Variants in KCNG2 observed in about 807,000 individuals in gnomAD.
The protein encoded by KCNG2 is potassium voltage-gated channel modifier subfamily G member 2, also known as voltage-gated potassium channel regulatory subunit KCNG2.
Under a neutral mutation model 12.3 loss-of-function variants are expected in KCNG2, and 7 were observed. That is an observed-to-expected ratio of 0.57 (90% CI 0.32 to 1.07). The LOEUF (loss-of-function observed/expected upper bound fraction) is 1.07, where lower values mean the gene tolerates loss of function less well. Among genes scored for constraint, KCNG2 ranks in the 50% least tolerant of loss-of-function variants. The pLI, the probability that KCNG2 is intolerant of heterozygous loss-of-function variation, is 0.04. For synonymous variants in KCNG2, 414 were observed against 351.4 expected (o/e 1.18, Z -1.99); for missense variants, 703 against 726.0 (o/e 0.97, Z 0.36).
At chr18:79,829,515 C>G (rs1297293901) in intron 1 of KCNG2, among the ~76,000 whole-genome samples, 1 of 152,208 alleles carries the variant, frequency 6.6e-6, no homozygotes, top group Non-Finnish European at 1.5e-5. Context: ...TCACACCAGT[C>G]CGTCTCTGCC....
At chr18:79,814,619 G>A (rs184054843) in intron 1 of KCNG2, among the ~76,000 whole-genome samples, 3 of 152,224 alleles carry the variant, frequency 2.0e-5, no homozygotes, top group Non-Finnish European at 1.5e-5. Flanking sequence ...CACTGCCTGC[G>A]TGGGTCAGCA....
At chr18:79,842,948 T>G (rs577159779) in intron 1 of KCNG2, among the ~76,000 whole-genome samples, 1 of 152,244 alleles carries the variant, frequency 6.6e-6, no homozygotes, top group Non-Finnish European at 1.5e-5. Context: ...AAAGAAACAG[T>G]GATGGAAAAC....
At chr18:79,861,976 ACTT>A (rs1979238352) in intron 2 of KCNG2, among the ~76,000 whole-genome samples, 1 of 151,790 alleles carries the variant, frequency 6.6e-6, no homozygotes, top group Non-Finnish European at 1.5e-5. Context: ...AATTTCTATC[ACTT>A]TTTTTTAATA....
At position 79,899,913 on chromosome 18, in the gene KCNG2, G is replaced by C; in HGVS notation, c.*97G>C. ...GGGGTGGGGGGCGTCTGGCCTGGGG[G>C]AGCGGCTCCTGCCGGCCGCGTCCTC... On this transcript the variant is annotated 3_prime_UTR_variant, in exon 4 of 4. Transcript: ENST00000316249. 8.7e-7 allele frequency: 1 copy of C among 1,150,988 alleles called. No homozygotes were observed. Among genetic ancestry groups the C allele is most frequent in the Non-Finnish European group, 1.1e-6 (1 of 905,976 alleles). 71.3% of individuals were successfully genotyped at this position (1,150,988 alleles called of 1,614,324 possible). A position where few individuals can be genotyped will look rare whatever the true frequency, so the allele number is the denominator to read the frequency against.
Position 79,873,418 on chromosome 18 carries a change from GGCCCCCCT to G in KCNG2, c.624+9128_624+9135del, listed in dbSNP as rs997531567. Among the ~76,000 whole-genome samples the G allele has an allele frequency of 1.1e-4, 9 of 82,840 alleles. 1 individual carries two copies. Among genetic ancestry groups the G allele is most frequent in the African/African-American group, 3.7e-4 (9 of 24,122 alleles). 54.3% of individuals were successfully genotyped at this position (82,840 alleles called of 152,430 possible). On this transcript the variant is annotated intron_variant, in intron 3 of 3. Transcript: ENST00000316249. ...CTGGCCCACGGGTGCCGCTCCTGCCGGCCCCCCTCCCCCCCCCCCAGCCACCTCCTGTC... is the reference window on the plus strand; with the variant it reads ...CTGGCCCACGGGTGCCGCTCCTGCCGCCCCCCCCCCCAGCCACCTCCTGTC...
At chr18:79,832,768 C>G (rs1283240259) in intron 1 of KCNG2, among the ~76,000 whole-genome samples, 3 of 152,214 alleles carry the variant, frequency 2.0e-5, no homozygotes, top group Non-Finnish European at 4.4e-5. Context: ...CCTCTTTGCA[C>G]AGTGCTAAGC....
At chr18:79,872,899 C>T (rs1021952651) in intron 3 of KCNG2, among the ~76,000 whole-genome samples, 1 of 152,098 alleles carries the variant, frequency 6.6e-6, no homozygotes, top group African/African-American at 2.4e-5. Flanking sequence ...AGCGAAGCCT[C>T]GTGTGGCCCC....
intron 3 of KCNG2, among the ~76,000 whole-genome samples, chr18:79,867,352 GA>G (rs1354233140): frequency 4.6e-5 from 7 of 151,952 alleles, no homozygotes; most frequent in Admixed American, 3.3e-4. Context: ...GAGGAGGCAA[GA>G]GAAGGCAAAA....
chr18:79,828,488 CAT>C (rs566106497), intron 1 of KCNG2, among the ~76,000 whole-genome samples: 141 of 142,650 alleles, frequency 9.9e-4, no homozygotes, highest in East Asian at 1.7e-3. Flanking sequence ...TGAATGTGTG[CAT>C]ATGTGTCTAC....
chr18:79,815,454 A>AC (rs2087522164), intron 1 of KCNG2, among the ~76,000 whole-genome samples: 1 of 152,002 alleles, frequency 6.6e-6, no homozygotes, highest in East Asian at 1.9e-4. Flanking sequence ...AAAAAAAAAA[A>AC]AAAAAAAATC....
chr18:79,883,635 G>A (rs1461096112), intron 3 of KCNG2, among the ~76,000 whole-genome samples: 1 of 152,202 alleles, frequency 6.6e-6, no homozygotes, highest in African/African-American at 2.4e-5. Context: ...GGCTGCTTGG[G>A]GACCAACTCA....
Position 79,899,615 on chromosome 18 carries a change from G to A in KCNG2, c.1200G>A (p.Pro400=), listed in dbSNP as rs764200959. 52 of 1,598,962 alleles carry A rather than the reference G, an allele frequency of 3.3e-5. No individual in the cohort carries two copies. Among genetic ancestry groups the A allele is most frequent in the Non-Finnish European group, 3.9e-5 (46 of 1,172,052 alleles). ...ILSGILLMAF[P]VTSIFHTFSR... ...GCGGCATCCTGCTCATGGCCTTCCC[G>A]GTCACCTCCATCTTCCACACCTTTT... Residue 400 remains proline (P), a synonymous_variant, in exon 4 of 4, where the codon CCG becomes CCA. Transcript: ENST00000316249.
chr18:79,815,928 C>G (rs915369522), intron 1 of KCNG2, among the ~76,000 whole-genome samples: 1 of 152,180 alleles, frequency 6.6e-6, no homozygotes, highest in Non-Finnish European at 1.5e-5. Context: ...TTGGCCACCA[C>G]GTAAAACTAT....
At position 79,863,932 on chromosome 18, in the gene KCNG2, A is replaced by AAGCTGCGACTGCTGCGGGGC; in HGVS notation, c.266_285dup (p.Pro96SerfsTer108). The AAGCTGCGACTGCTGCGGGGC allele has an allele frequency of 7.3e-7, 1 of 1,364,846 alleles. No individual in the cohort carries two copies. Among genetic ancestry groups the AAGCTGCGACTGCTGCGGGGC allele is most frequent in the Non-Finnish European group, 9.5e-7 (1 of 1,053,502 alleles). The allele number at this position is 1,364,846 out of a possible 1,614,324, so 84.5% of individuals were successfully genotyped here. A position where few individuals can be genotyped will look rare whatever the true frequency, so the allele number is the denominator to read the frequency against. On this transcript the variant is annotated frameshift_variant, in exon 3 of 4. Coordinates refer to ENST00000316249, the MANE Select transcript of KCNG2 (RefSeq NM_012283.2). LOFTEE classifies it high-confidence loss of function. ...CATCGTGGCGCTTTTGCGCGCAGGG[A>AAGCTGCGACTGCTGCGGGGC]AGCTGCGACTGCTGCGGGGCCCGTG...
chr18:79,844,613 A>G lies in KCNG2; in HGVS notation c.-114-11766A>G, dbSNP rs550188029. On this transcript the variant is annotated intron_variant, in intron 1 of 3. Transcript: ENST00000316249. ...TATATTCATTAGCTTGATTGTGGTA[A>G]TCATTGCACAATGCATTCATATATC... 2.6e-5 allele frequency among the ~76,000 whole-genome samples: 4 copies of G among 152,386 alleles called. No homozygotes were observed. In the East Asian group the frequency reaches 7.7e-4, roughly 29 times the overall value.
intron 3 of KCNG2, among the ~76,000 whole-genome samples, chr18:79,874,424 C>T (rs1979985297): frequency 6.6e-6 from 1 of 152,196 alleles, no homozygotes; most frequent in Non-Finnish European, 1.5e-5. Context: ...GGAGCCACTC[C>T]CCAAATTAAC....
intron 1 of KCNG2, among the ~76,000 whole-genome samples, chr18:79,835,391 T>C (rs1383657225): frequency 6.6e-6 from 1 of 152,244 alleles, no homozygotes; most frequent in Non-Finnish European, 1.5e-5. Context: ...TGGGCACAGA[T>C]TTTAAAACAG....
chr18:79,897,481 C>T (rs1420678062), intron 3 of KCNG2, among the ~76,000 whole-genome samples: 1 of 152,116 alleles, frequency 6.6e-6, no homozygotes, highest in Non-Finnish European at 1.5e-5. Context: ...TTCATTTATG[C>T]GTCCTTTAGT....
intron 2 of KCNG2, among the ~76,000 whole-genome samples, 89 bp downstream of exon 2, chr18:79,856,541 G>C (rs897658404): frequency 2.0e-5 from 3 of 152,152 alleles, no homozygotes; most frequent in African/African-American, 7.2e-5. Context: ...CTTCTTGGTG[G>C]GTTCTTGTGC....
Sources: gnomAD v4.1 joint callset for allele counts (sites outside exome capture counted in the v4.1 genomes callset) on GRCh38, gnomAD v4.1.1 for gene constraint, MANE v1.5 for transcripts, NCBI Gene and HGNC (gene_info 2026-07-23, HGNC 2026-07-21) for gene names.